Variants in DCC observed in about 807,000 individuals in gnomAD.
DCC encodes netrin receptor DCC.
A neutral mutation model predicts 172.5 loss-of-function variants in DCC; 58 were observed. That is an observed-to-expected ratio of 0.34 (90% CI 0.27 to 0.42). DCC has a LOEUF of 0.42. Ranked by LOEUF, DCC falls within the 10% of genes least tolerant of loss-of-function variation. The probability of loss-of-function intolerance (pLI) is 1.00; values close to 1 mark genes in which losing one functional copy is unlikely to be tolerated. For synonymous variants in DCC, 709 were observed against 644.5 expected (o/e 1.10, Z -1.52); for missense variants, 1,740 against 1,791.0 (o/e 0.97, Z 0.51).
At chr18:52,925,658 A>C (rs1390753663) in intron 5 of DCC, among the ~76,000 whole-genome samples, 1 of 151,210 alleles carries the variant, frequency 6.6e-6, no homozygotes, top group Admixed American at 6.6e-5. Context: ...TTGAATAATA[A>C]ATATGATATT....
chr18:53,075,612 G>A (rs1189305398), intron 7 of DCC, among the ~76,000 whole-genome samples: 1 of 147,568 alleles, frequency 6.8e-6, no homozygotes, highest in Non-Finnish European at 1.5e-5. Context: ...TTTTTATATT[G>A]AATCCAAATG....
intron 2 of DCC, among the ~76,000 whole-genome samples, chr18:52,766,101 A>C (rs1224923973): frequency 6.6e-6 from 1 of 152,148 alleles, no homozygotes; most frequent in Non-Finnish European, 1.5e-5. Flanking sequence ...AAGTGCTAGA[A>C]CCAGTCGGCC....
intron 2 of DCC, among the ~76,000 whole-genome samples, chr18:52,861,921 T>A (rs1419822355): frequency 6.6e-6 from 1 of 152,006 alleles, no homozygotes; most frequent in East Asian, 1.9e-4. Context: ...TTGAGAAAAA[T>A]TAAAGCAATA....
At chr18:52,919,899 G>A (rs895203593) in intron 3 of DCC, among the ~76,000 whole-genome samples, 4 of 151,330 alleles carry the variant, frequency 2.6e-5, no homozygotes, top group Admixed American at 6.6e-5. Flanking sequence ...TGGAACAGAG[G>A]AGAGCTCCCT....
intron 2 of DCC, among the ~76,000 whole-genome samples, chr18:52,878,604 C>T (rs2039436490): frequency 6.6e-6 from 1 of 152,180 alleles, no homozygotes; most frequent in Non-Finnish European, 1.5e-5. Flanking sequence ...CACTAAACCA[C>T]CTTTCCTAAT....
chr18:53,129,950 A>G (rs950105778), intron 7 of DCC, among the ~76,000 whole-genome samples: 1 of 152,160 alleles, frequency 6.6e-6, no homozygotes, highest in African/African-American at 2.4e-5. Context: ...AAAATAAAAT[A>G]CCATTTTACA....
intron 12 of DCC, among the ~76,000 whole-genome samples, chr18:53,219,815 A>G (rs2055903733): frequency 6.6e-6 from 1 of 152,150 alleles, no homozygotes; most frequent in Non-Finnish European, 1.5e-5. Context: ...TTTATGCAAA[A>G]ACTATACAGT....
At chr18:53,462,704 G>T (rs2045574859) in intron 24 of DCC, among the ~76,000 whole-genome samples, 1 of 152,088 alleles carries the variant, frequency 6.6e-6, no homozygotes. Flanking sequence ...TGCCAAAAAG[G>T]TTGGGAATGG....
chr18:53,160,184 T>C (rs2054813660), intron 8 of DCC, among the ~76,000 whole-genome samples: 1 of 152,182 alleles, frequency 6.6e-6, no homozygotes, highest in East Asian at 1.9e-4. Context: ...GCATCAATCC[T>C]CTATACCCCC....
chr18:52,711,933 A>G (rs930864859), intron 1 of DCC, among the ~76,000 whole-genome samples: 3 of 152,098 alleles, frequency 2.0e-5, no homozygotes, highest in Admixed American at 1.3e-4. Flanking sequence ...TCAGTGGACT[A>G]TAAAAGCATC....
At chr18:53,390,387 T>A (rs1210806160) in intron 16 of DCC, among the ~76,000 whole-genome samples, 1 of 152,052 alleles carries the variant, frequency 6.6e-6, no homozygotes, top group African/African-American at 2.4e-5. Context: ...TGAAATGCAG[T>A]GGACAAAGTG....
intron 1 of DCC, among the ~76,000 whole-genome samples, chr18:52,356,412 G>T (rs535786758): frequency 2.0e-5 from 3 of 152,020 alleles, no homozygotes; most frequent in African/African-American, 4.8e-5. Flanking sequence ...TTACTAATGC[G>T]TAAAGGGTGT....
intron 24 of DCC, among the ~76,000 whole-genome samples, chr18:53,459,703 G>A (rs1010018251): frequency 1.3e-5 from 2 of 151,998 alleles, no homozygotes; most frequent in African/African-American, 2.4e-5. Context: ...TTTCTATGAG[G>A]TTGGAAGTAG....
At chr18:53,202,747 C>T (rs555954486) in intron 9 of DCC, among the ~76,000 whole-genome samples, 10 of 152,140 alleles carry the variant, frequency 6.6e-5, no homozygotes, top group Non-Finnish European at 1.2e-4. Context: ...AGAGAGAGAG[C>T]TTGTGCCTCT....
intron 12 of DCC, among the ~76,000 whole-genome samples, chr18:53,218,291 C>G (rs978716381): frequency 1.3e-5 from 2 of 151,940 alleles, no homozygotes; most frequent in African/African-American, 4.8e-5. Flanking sequence ...CTTGGTGCAA[C>G]TAACATTTTT....
intron 1 of DCC, among the ~76,000 whole-genome samples, chr18:52,553,026 C>G (rs2032817916): frequency 6.6e-6 from 1 of 151,952 alleles, no homozygotes; most frequent in Admixed American, 6.6e-5. Context: ...AGGGAAATGT[C>G]TTTTTTAATT....
At chr18:53,248,308 A>G (rs1468878806) in intron 12 of DCC, among the ~76,000 whole-genome samples, 2 of 151,916 alleles carry the variant, frequency 1.3e-5, no homozygotes. Flanking sequence ...TGGAAATCCT[A>G]AACCTTTGTC....
At chr18:53,517,247 A>G (rs994338193) in intron 27 of DCC, among the ~76,000 whole-genome samples, 9 of 150,492 alleles carry the variant, frequency 6.0e-5, no homozygotes, top group African/African-American at 2.2e-4. Flanking sequence ...GAATTGAACA[A>G]TGAGAACCCA....
intron 5 of DCC, among the ~76,000 whole-genome samples, chr18:52,968,395 G>T (rs529624381): frequency 6.6e-6 from 1 of 152,274 alleles, no homozygotes; most frequent in East Asian, 1.9e-4. Flanking sequence ...AGACAGGAAA[G>T]AGGCTTGTCA....
Sources: allele counts gnomAD v4.1 joint callset (sites outside exome capture counted in the v4.1 genomes callset), GRCh38; gene constraint gnomAD v4.1.1; transcripts MANE v1.5; gene names NCBI Gene and HGNC (gene_info 2026-07-23, HGNC 2026-07-21).